Variants in RGPD2 observed in about 807,000 individuals in gnomAD.
RGPD2 encodes RANBP2 like and GRIP domain containing 2, also known as RANBP2-like and GRIP domain-containing protein 2.
RGPD2 carries 2 observed loss-of-function variants against 36.0 expected under a neutral mutation model. That is an observed-to-expected ratio of 0.06 (90% CI 0.02 to 0.17). RGPD2 has a LOEUF of 0.17. RGPD2 is among the 10% of genes least tolerant of loss of function. The probability of loss-of-function intolerance (pLI) is 1.00; values close to 1 mark genes in which losing one functional copy is unlikely to be tolerated. For missense variants in RGPD2, 40 were observed against 464.3 expected, an observed-to-expected ratio of 0.09 and a Z score of 8.40; for synonymous variants, 19 against 163.8, an observed-to-expected ratio of 0.12 and a Z score of 6.75.
the RGPD2 span, among the ~76,000 whole-genome samples, chr2:87,915,582 G>A: frequency 3.6e-5 from 5 of 140,536 alleles, no homozygotes; most frequent in East Asian, 2.0e-4. Context: ...ATATGTGTGT[G>A]TATATACACA....
chr2:87,798,766 G>A (rs1231804730), intron 8 of RGPD2, among the ~76,000 whole-genome samples: 3 of 129,760 alleles, frequency 2.3e-5, no homozygotes, highest in Admixed American at 1.6e-4. Context: ...TACTGGGGAG[G>A]CTGAGGGAGG....
chr2:87,906,642 C>T, the RGPD2 span, among the ~76,000 whole-genome samples: 1 of 146,928 alleles, frequency 6.8e-6, no homozygotes, highest in Non-Finnish European at 1.5e-5. Flanking sequence ...CTTTATAGTA[C>T]CTTCCTCATA....
the RGPD2 span, among the ~76,000 whole-genome samples, chr2:87,980,233 C>T: frequency 6.2e-5 from 9 of 144,482 alleles, no homozygotes. Flanking sequence ...CGCCTGTAAT[C>T]CCAGCTATTC....
the RGPD2 span, among the ~76,000 whole-genome samples, chr2:87,846,439 C>T: frequency 6.6e-6 from 1 of 152,064 alleles, no homozygotes; most frequent in African/African-American, 2.4e-5. Flanking sequence ...AATACATAGA[C>T]ATGATAAATA....
the RGPD2 span, among the ~76,000 whole-genome samples, chr2:87,986,742 T>C: frequency 2.0e-5 from 3 of 151,200 alleles, no homozygotes; most frequent in Admixed American, 6.6e-5. Flanking sequence ...TAGTTGGGCA[T>C]TGTGGCAGGC....
chr2:87,921,069 C>T, the RGPD2 span, among the ~76,000 whole-genome samples: 3 of 150,236 alleles, frequency 2.0e-5, no homozygotes, highest in East Asian at 5.9e-4. Context: ...CCTAATGGGA[C>T]AATGTGCCTA....
chr2:87,985,300 T>G, the RGPD2 span, among the ~76,000 whole-genome samples: 4 of 151,200 alleles, frequency 2.6e-5, no homozygotes, highest in African/African-American at 7.3e-5. Context: ...TCCCAAGCAA[T>G]ATGTGTGTAA....
At chr2:87,809,926 T>C (rs1686110285) in intron 6 of RGPD2, among the ~76,000 whole-genome samples, 1 of 78,748 alleles carries the variant, frequency 1.3e-5, no homozygotes, top group Non-Finnish European at 2.7e-5. Flanking sequence ...TGAGAGGAAA[T>C]TGTGAAGCTT....
At chr2:87,985,943 T>A in the RGPD2 span, 138 of 1,476,070 alleles carry the variant, frequency 9.3e-5, no homozygotes, top group Non-Finnish European at 1.2e-4. Flanking sequence ...AATTTTAGTA[T>A]TCTTACTCTG....
At chr2:87,972,808 C>T in the RGPD2 span, 1 of 1,611,808 alleles carries the variant, frequency 6.2e-7, no homozygotes, top group African/African-American at 1.3e-5. Context: ...GCTGCTGCAC[C>T]TACTACTATG....
At chr2:87,986,773 A>T in the RGPD2 span, among the ~76,000 whole-genome samples, 1 of 151,198 alleles carries the variant, frequency 6.6e-6, no homozygotes, top group African/African-American at 2.4e-5. Context: ...CCAGCTACTC[A>T]GGAGGCTGAG....
the RGPD2 span, among the ~76,000 whole-genome samples, chr2:87,830,931 C>T: frequency 5.3e-5 from 8 of 152,060 alleles, no homozygotes; most frequent in Non-Finnish European, 1.0e-4. Context: ...GAGTGGGACA[C>T]CGTCAAACCA....
the RGPD2 span, among the ~76,000 whole-genome samples, chr2:87,884,771 A>T: frequency 5.3e-5 from 8 of 152,018 alleles, no homozygotes; most frequent in Non-Finnish European, 1.2e-4. Context: ...ACAGACCAAT[A>T]ACAAGTAAAG....
At chr2:87,932,065 TCTCA>T in the RGPD2 span, among the ~76,000 whole-genome samples, 1 of 120,508 alleles carries the variant, frequency 8.3e-6, no homozygotes, top group African/African-American at 3.2e-5. Flanking sequence ...TGTTAAAATC[TCTCA>T]CTATTATTGT....
chr2:87,822,328 C>A (rs1207539250), intron 1 of RGPD2, among the ~76,000 whole-genome samples: 1 of 151,740 alleles, frequency 6.6e-6, no homozygotes, highest in South Asian at 2.1e-4. Context: ...AGAAATAATA[C>A]AAGAAACGCT....
the RGPD2 span, among the ~76,000 whole-genome samples, chr2:87,915,274 G>GTATA: frequency 6.0e-4 from 51 of 85,008 alleles, 1 homozygote; most frequent in Middle Eastern, 7.1e-3. Flanking sequence ...GTGTGTGTGT[G>GTATA]TATATATATA....
chr2:87,974,123 G>T, the RGPD2 span, among the ~76,000 whole-genome samples: 1 of 145,628 alleles, frequency 6.9e-6, no homozygotes, highest in Non-Finnish European at 1.5e-5. Context: ...CACCTGTGAG[G>T]TTCTTTTTGT....
At chr2:87,954,994 C>CT in the RGPD2 span, among the ~76,000 whole-genome samples, 325 of 19,182 alleles carry the variant, frequency 0.017, 3 homozygotes, top group African/African-American at 0.041. Flanking sequence ...CTGCTTGAAA[C>CT]TTTTTTTTTT....
At chr2:87,874,137 T>C in the RGPD2 span, among the ~76,000 whole-genome samples, 2 of 140,308 alleles carry the variant, frequency 1.4e-5, no homozygotes, top group South Asian at 2.2e-4. Context: ...GATGGATACC[T>C]TGCAAAAAAT....
Sources: allele counts gnomAD v4.1 joint callset (sites outside exome capture counted in the v4.1 genomes callset), GRCh38; gene constraint gnomAD v4.1.1; transcripts MANE v1.5; gene names NCBI Gene and HGNC (gene_info 2026-07-23, HGNC 2026-07-21).